The following ATXN1 variants were observed in gnomAD, a reference collection of about 807,000 sequenced individuals.
ATXN1 encodes the protein ataxin-1.
Under a neutral mutation model 56.4 loss-of-function variants are expected in ATXN1, and 8 were observed. The ratio of observed to expected loss-of-function variants is 0.14; its 90% CI spans 0.08 to 0.26. The LOEUF (loss-of-function observed/expected upper bound fraction) is 0.26, where lower values mean the gene tolerates loss of function less well. Among genes scored for constraint, ATXN1 ranks in the 10% least tolerant of loss-of-function variants. The pLI is 1.00. For synonymous variants in ATXN1, 514 were observed against 494.6 expected, an observed-to-expected ratio of 1.04 and a Z score of -0.52; for missense variants, 987 against 1,106.5, an observed-to-expected ratio of 0.89 and a Z score of 1.53.
At chr6:16,593,793 A>G (rs1388960673) in intron 3 of ATXN1, among the ~76,000 whole-genome samples, 1 of 151,404 alleles carries the variant, frequency 6.6e-6, no homozygotes, top group Non-Finnish European at 1.5e-5. Context: ...ACTGCTGTAT[A>G]ATATTCCATT....
chr6:16,524,794 T>C (rs551195808), intron 4 of ATXN1, among the ~76,000 whole-genome samples: 6 of 152,350 alleles, frequency 3.9e-5, no homozygotes, highest in African/African-American at 1.4e-4. Context: ...GGCTCACTCC[T>C]ATAATCCCAG....
chr6:16,685,789 C>T (rs1055018915), intron 2 of ATXN1, among the ~76,000 whole-genome samples: 5 of 152,086 alleles, frequency 3.3e-5, no homozygotes, highest in Admixed American at 1.3e-4. Flanking sequence ...ATTATCAAGT[C>T]CTAAACAAAA....
intron 6 of ATXN1, among the ~76,000 whole-genome samples, chr6:16,386,653 C>G (rs189314084): frequency 6.6e-6 from 1 of 152,096 alleles, no homozygotes. Context: ...ACACTGATAA[C>G]AGGTCTCTGG....
Position 16,527,515 on chromosome 6 carries a change from CAG to C in ATXN1, c.-360-4829_-360-4828del, listed in dbSNP as rs535802794. Among the ~76,000 whole-genome samples, 6 of 152,272 alleles carry C rather than the reference CAG, an allele frequency of 3.9e-5. No individual in the cohort carries two copies. The South Asian group carries it at 1.2e-3, about 32-fold the overall frequency. ...GGCGGAGATGCAAAGTAGAGCAACA[CAG>C]AGTCTGATCTGTGAAACCAAGGTCC... On this transcript the variant is annotated intron_variant, in intron 4 of 7. Transcript: ENST00000436367.
intron 6 of ATXN1, among the ~76,000 whole-genome samples, chr6:16,365,180 CT>C (rs928002143): frequency 1.3e-5 from 2 of 151,938 alleles, no homozygotes; most frequent in African/African-American, 2.4e-5. Context: ...TACCGGTTTT[CT>C]TTTTTTTCTT....
chr6:16,542,794 G>A (rs1761740360), intron 4 of ATXN1, among the ~76,000 whole-genome samples: 3 of 152,052 alleles, frequency 2.0e-5, no homozygotes, highest in African/African-American at 7.3e-5. Flanking sequence ...ATACACCCAT[G>A]ATAGAGTTTA....
At position 16,301,736 on chromosome 6, in the gene ATXN1, C is replaced by CT. The variant is rs1321964577; in HGVS notation, c.*4592dup. Reference sequence around the variant, plus strand: ...GAAGGCAACAGACCAGTCTGTTGAGCTGCTTGTGGTTCATGAAACAGTAGC... The same window carrying CT: ...GAAGGCAACAGACCAGTCTGTTGAGCTTGCTTGTGGTTCATGAAACAGTAGC... On this transcript the variant is annotated 3_prime_UTR_variant, in exon 8 of 8. Transcript: ENST00000436367. 15 of 152,714 alleles carry CT rather than the reference C, an allele frequency of 9.8e-5. No individual in the cohort carries two copies. The highest frequency in any genetic ancestry group is 8.5e-4 in the Admixed American group (13 of 15,302). The allele number at this position is 152,714 out of a possible 1,614,324, so 9.5% of individuals were successfully genotyped here. A position where few individuals can be genotyped will look rare whatever the true frequency, so the allele number is the denominator to read the frequency against.
intron 2 of ATXN1, among the ~76,000 whole-genome samples, chr6:16,681,018 G>C (rs868223432): frequency 2.0e-5 from 3 of 152,148 alleles, no homozygotes; most frequent in Admixed American, 6.5e-5. Context: ...ACCAAAAATT[G>C]TGTGTGGTCA....
chr6:16,668,742 T>C (rs147274470), intron 2 of ATXN1, among the ~76,000 whole-genome samples: 54 of 152,274 alleles, frequency 3.5e-4, no homozygotes, highest in African/African-American at 1.2e-3. Context: ...CTGTTTTCAG[T>C]AGGAATGCCA....
In ATXN1 at chr6:16,377,846, G is replaced by A. The variant is rs148751612; in HGVS notation, c.-160-49376C>T. Among the ~76,000 whole-genome samples, 67 of 152,350 alleles carry A rather than the reference G, an allele frequency of 4.4e-4. No homozygotes were observed. The East Asian group carries it at 0.013, about 29-fold the overall frequency. ...CTATGGCGGCATAGCATAAGCACACGCAGTGTTTGGGAGAATGGCCAGTGA... is the reference window on the plus strand; with the variant it reads ...CTATGGCGGCATAGCATAAGCACACACAGTGTTTGGGAGAATGGCCAGTGA... On this transcript the variant is annotated intron_variant, in intron 6 of 7. Transcript: ENST00000436367.
intron 7 of ATXN1, among the ~76,000 whole-genome samples, chr6:16,315,087 A>C (rs769765333): frequency 5.9e-5 from 9 of 152,182 alleles, no homozygotes; most frequent in Non-Finnish European, 1.2e-4. Flanking sequence ...CAAAACGGGT[A>C]CATTTGGACA....
intron 2 of ATXN1, among the ~76,000 whole-genome samples, chr6:16,741,269 A>C (rs917024145): frequency 3.9e-5 from 6 of 152,184 alleles, no homozygotes; most frequent in Non-Finnish European, 8.8e-5. Context: ...GCTGAGGCAG[A>C]CTCATGACAC....
At chr6:16,382,581 TA>T (rs1171976629) in intron 6 of ATXN1, among the ~76,000 whole-genome samples, 1 of 152,222 alleles carries the variant, frequency 6.6e-6, no homozygotes, top group African/African-American at 2.4e-5. Context: ...CAGGAATATT[TA>T]AACTATTTTT....
intron 2 of ATXN1, among the ~76,000 whole-genome samples, chr6:16,749,588 A>C (rs983120473): frequency 5.3e-5 from 8 of 152,270 alleles, no homozygotes; most frequent in Non-Finnish European, 8.8e-5. Flanking sequence ...GCTGCAGAAG[A>C]GTCCTTATGG....
At chr6:16,623,546 C>T (rs940004983) in intron 3 of ATXN1, among the ~76,000 whole-genome samples, 17 of 152,200 alleles carry the variant, frequency 1.1e-4, no homozygotes, top group African/African-American at 4.1e-4. Flanking sequence ...CCCATAAGAA[C>T]AACAATAAGT....
At chr6:16,495,910 G>A (rs1013825834) in intron 5 of ATXN1, among the ~76,000 whole-genome samples, 13 of 151,150 alleles carry the variant, frequency 8.6e-5, no homozygotes, top group Admixed American at 5.3e-4. Context: ...ATTAGTAAAA[G>A]CCATTCAAAG....
chr6:16,529,084 C>G (rs1163959632), intron 4 of ATXN1, among the ~76,000 whole-genome samples: 3 of 150,814 alleles, frequency 2.0e-5, no homozygotes, highest in African/African-American at 7.3e-5. Context: ...GAGGCTGAGG[C>G]AGGAGAATTG....
At chr6:16,671,791 T>C (rs1054036623) in intron 2 of ATXN1, among the ~76,000 whole-genome samples, 6 of 152,192 alleles carry the variant, frequency 3.9e-5, no homozygotes, top group Non-Finnish European at 7.3e-5. Context: ...TATGGTTGAA[T>C]ATGACAAGGA....
chr6:16,603,329 C>CT (rs1045593650), intron 3 of ATXN1, among the ~76,000 whole-genome samples: 2 of 152,198 alleles, frequency 1.3e-5, no homozygotes, highest in Non-Finnish European at 2.9e-5. Context: ...TTCTGGTCCC[C>CT]TGCCTCAACT....
Sources: gnomAD v4.1 joint callset for allele counts (sites outside exome capture counted in the v4.1 genomes callset) on GRCh38, gnomAD v4.1.1 for gene constraint, MANE v1.5 for transcripts, NCBI Gene and HGNC (gene_info 2026-07-23, HGNC 2026-07-21) for gene names.